RBFOX1: variants seen among roughly 807,000 people sequenced by gnomAD.
The protein encoded by RBFOX1 is RNA binding protein fox-1 homolog 1.
RBFOX1 carries 8 observed loss-of-function variants against 57.7 expected under a neutral mutation model. The observed-to-expected ratio is 0.14, with a 90% CI of 0.08 to 0.25. The LOEUF is 0.25. RBFOX1 is among the 10% of genes least tolerant of loss of function. The probability of loss-of-function intolerance (pLI) is 1.00; values close to 1 mark genes in which losing one functional copy is unlikely to be tolerated. For synonymous variants in RBFOX1, 326 were observed against 222.4 expected (o/e 1.47, Z -4.15); for missense variants, 611 against 548.5 (o/e 1.11, Z -1.14).
At chr16:7,094,458 C>G (rs1003027464) in intron 4 of RBFOX1, among the ~76,000 whole-genome samples, 1 of 152,140 alleles carries the variant, frequency 6.6e-6, no homozygotes, top group East Asian at 1.9e-4. Flanking sequence ...TGGAGACATG[C>G]AATGCTATTT....
intron 2 of RBFOX1, among the ~76,000 whole-genome samples, chr16:6,530,236 G>T (rs978421202): frequency 1.3e-5 from 2 of 152,004 alleles, no homozygotes; most frequent in African/African-American, 4.8e-5. Context: ...GGAGTTTGGG[G>T]GCAGGAAGAA....
intron 2 of RBFOX1, among the ~76,000 whole-genome samples, chr16:6,605,218 C>G (rs9923674): frequency 2.0e-5 from 3 of 151,862 alleles, no homozygotes; most frequent in Admixed American, 2.0e-4. Flanking sequence ...GGTGACAGAG[C>G]AAGACCCTCT....
chr16:6,904,782 T>C (rs1009139719), intron 3 of RBFOX1, among the ~76,000 whole-genome samples: 1 of 152,034 alleles, frequency 6.6e-6, no homozygotes, highest in Non-Finnish European at 1.5e-5. Flanking sequence ...CCCGGGCTAC[T>C]TGTGTTACAC....
intron 3 of RBFOX1, among the ~76,000 whole-genome samples, chr16:6,726,551 A>C (rs1167499188): frequency 6.6e-6 from 1 of 152,156 alleles, no homozygotes; most frequent in East Asian, 1.9e-4. Context: ...GTTCTTGTGA[A>C]CAATGAGAGA....
At chr16:5,410,190 A>C (rs890168164) in intron 1 of RBFOX1, among the ~76,000 whole-genome samples, 2 of 151,500 alleles carry the variant, frequency 1.3e-5, no homozygotes, top group Non-Finnish European at 2.9e-5. Flanking sequence ...ATTGCAAGAC[A>C]CTGTCTCTAC....
intron 2 of RBFOX1, among the ~76,000 whole-genome samples, chr16:6,345,134 C>G (rs2085172698): frequency 1.3e-5 from 2 of 152,186 alleles, no homozygotes; most frequent in African/African-American, 2.4e-5. Context: ...TCCTTGTTCT[C>G]TCCTAGGTAG....
intron 4 of RBFOX1, among the ~76,000 whole-genome samples, chr16:5,993,560 T>G (rs189661233): frequency 6.0e-4 from 92 of 152,252 alleles, no homozygotes; most frequent in African/African-American, 2.0e-3. Context: ...CTGTGTTCAT[T>G]GAAATGTTGG....
chr16:7,351,486 C>T (rs1380865278), intron 4 of RBFOX1, among the ~76,000 whole-genome samples: 1 of 152,134 alleles, frequency 6.6e-6, no homozygotes, highest in African/African-American at 2.4e-5. Flanking sequence ...CAAAGAATAA[C>T]TACCATAATG....
chr16:6,026,177 T>C (rs1396253689), intron 1 of RBFOX1, among the ~76,000 whole-genome samples: 1 of 152,236 alleles, frequency 6.6e-6, no homozygotes, highest in South Asian at 2.1e-4. Context: ...TGAGTGACTC[T>C]GTTTTATCCT....
intron 4 of RBFOX1, among the ~76,000 whole-genome samples, chr16:7,141,581 C>T (rs929724893): frequency 6.6e-5 from 10 of 152,124 alleles, no homozygotes; most frequent in Non-Finnish European, 1.5e-5. Flanking sequence ...CCATTTATGG[C>T]TCCCTGTACC....
At chr16:6,951,732 C>G (rs1040073922) in intron 3 of RBFOX1, among the ~76,000 whole-genome samples, 1 of 152,078 alleles carries the variant, frequency 6.6e-6, no homozygotes, top group African/African-American at 2.4e-5. Flanking sequence ...ACACTTCTCT[C>G]TTTTTTCTCT....
At position 6,793,680 on chromosome 16, in the gene RBFOX1, T is replaced by C. The variant is rs182754021; in HGVS notation, c.-16+139030T>C. 1.6e-4 allele frequency among the ~76,000 whole-genome samples: 24 copies of C among 152,296 alleles called. No individual in the cohort carries two copies. The East Asian group carries it at 4.6e-3, about 29-fold the overall frequency. ...GTATTATAACTTGCTCTGTAGGAAA[T>C]GAAAACAGTGCATTGGCCATCTTTT... is the stretch of plus-strand genomic sequence containing the variant. On this transcript the variant is annotated intron_variant, in intron 3 of 15. Coordinates refer to ENST00000550418, the MANE Select transcript of RBFOX1 (RefSeq NM_018723.4).
In RBFOX1 at chr16:7,637,271, C is replaced by CA. The variant is rs5815418; in HGVS notation, c.757+6601dup. Among the ~76,000 whole-genome samples, 783 of 139,348 alleles carry CA rather than the reference C, an allele frequency of 5.6e-3. 6 individuals carry two copies. The highest frequency in any genetic ancestry group is 0.015 in the East Asian group (75 of 4,936). The allele number at this position is 139,348 out of a possible 152,430, so 91.4% of individuals were successfully genotyped here. ...TTTCACCCTGATACCCTTCCCTCCTCAAAAAAAAAAAAAGAAGGAAAAAAA... is the reference window on the plus strand; with the variant it reads ...TTTCACCCTGATACCCTTCCCTCCTCAAAAAAAAAAAAAAGAAGGAAAAAAA... On this transcript the variant is annotated intron_variant, in intron 11 of 15. Transcript: ENST00000550418.
At chr16:5,732,908 G>A (rs1044370635) in intron 3 of RBFOX1, among the ~76,000 whole-genome samples, 1 of 152,110 alleles carries the variant, frequency 6.6e-6, no homozygotes, top group African/African-American at 2.4e-5. Flanking sequence ...GAGGCTGATG[G>A]GAATGCCTGC....
chr16:6,951,720 C>G (rs1393343523), intron 3 of RBFOX1, among the ~76,000 whole-genome samples: 2 of 152,044 alleles, frequency 1.3e-5, no homozygotes, highest in African/African-American at 4.8e-5. Flanking sequence ...AGGAGAGACT[C>G]CACACTTCTC....
chr16:7,146,270 A>C (rs897456639), intron 4 of RBFOX1, among the ~76,000 whole-genome samples: 4 of 152,128 alleles, frequency 2.6e-5, no homozygotes, highest in African/African-American at 9.7e-5. Flanking sequence ...TGAAATTTCT[A>C]GTTTCTCTGC....
intron 1 of RBFOX1, among the ~76,000 whole-genome samples, chr16:6,173,075 C>T (rs9921620): frequency 0.1 from 15,230 of 152,128 alleles, 1,756 homozygotes; most frequent in African/African-American, 0.28. Flanking sequence ...AGGACTGATA[C>T]GATGATATTA....
intron 1 of RBFOX1, among the ~76,000 whole-genome samples, chr16:6,268,277 G>T (rs1209461222): frequency 3.3e-5 from 5 of 152,168 alleles, no homozygotes; most frequent in Non-Finnish European, 5.9e-5. Context: ...TCATTTCCCT[G>T]CTAGCAGGTA....
intron 4 of RBFOX1, among the ~76,000 whole-genome samples, chr16:7,485,609 C>G (rs532730401): frequency 1.4e-3 from 215 of 152,250 alleles, no homozygotes; most frequent in African/African-American, 4.4e-3. Context: ...GAGCCCATAC[C>G]TCAAGATTAT....
Sources: gnomAD v4.1 joint callset for allele counts (sites outside exome capture counted in the v4.1 genomes callset) on GRCh38, gnomAD v4.1.1 for gene constraint, MANE v1.5 for transcripts, NCBI Gene and HGNC (gene_info 2026-07-23, HGNC 2026-07-21) for gene names.